Variants in KCND2 observed in about 807,000 individuals in gnomAD.
The protein encoded by KCND2 is A-type voltage-gated potassium channel KCND2.
KCND2 carries 16 observed loss-of-function variants against 54.4 expected under a neutral mutation model. The ratio of observed to expected loss-of-function variants is 0.29; its 90% CI spans 0.20 to 0.45. The LOEUF is 0.45. Among genes scored for constraint, KCND2 ranks in the 20% least tolerant of loss-of-function variants. KCND2 has a pLI of 1.00. For missense variants in KCND2, 486 were observed against 824.2 expected (o/e 0.59, Z 5.02); for synonymous variants, 317 against 310.7 (o/e 1.02, Z -0.21).
chr7:120,739,550 G>A (rs10256978), intron 2 of KCND2, among the ~76,000 whole-genome samples: 5,465 of 151,926 alleles, frequency 0.036, 324 homozygotes, highest in African/African-American at 0.12. Context: ...AACAAAGAAT[G>A]AAATTTGTCT....
chr7:120,463,380 G>T (rs1310414583), intron 1 of KCND2, among the ~76,000 whole-genome samples: 2 of 151,698 alleles, frequency 1.3e-5, no homozygotes, highest in African/African-American at 4.8e-5. Context: ...AGATGCATAG[G>T]TATATAAGCA....
intron 1 of KCND2, among the ~76,000 whole-genome samples, chr7:120,359,138 T>C (rs1424304847): frequency 1.3e-5 from 2 of 152,210 alleles, no homozygotes; most frequent in Non-Finnish European, 2.9e-5. Context: ...GTTAGCATGT[T>C]CAGTGCTTCA....
At chr7:120,365,410 T>A (rs1800656335) in intron 1 of KCND2, among the ~76,000 whole-genome samples, 1 of 152,096 alleles carries the variant, frequency 6.6e-6, no homozygotes, top group Admixed American at 6.6e-5. Context: ...GGTTTTTTAC[T>A]GGGTCAGGAC....
At chr7:120,342,095 G>C (rs1292538303) in intron 1 of KCND2, among the ~76,000 whole-genome samples, 2 of 152,138 alleles carry the variant, frequency 1.3e-5, no homozygotes, top group Non-Finnish European at 2.9e-5. Flanking sequence ...GGAAGTAAGA[G>C]TAAACACAAG....
At chr7:120,471,688 T>C (rs1265510560) in intron 1 of KCND2, among the ~76,000 whole-genome samples, 2 of 152,144 alleles carry the variant, frequency 1.3e-5, no homozygotes, top group East Asian at 3.9e-4. Context: ...AGGAGACTGA[T>C]GATGACAATA....
chr7:120,349,538 A>AT (rs551135177), intron 1 of KCND2, among the ~76,000 whole-genome samples: 12 of 151,786 alleles, frequency 7.9e-5, no homozygotes, highest in South Asian at 2.1e-4. Flanking sequence ...CAATTTTGGA[A>AT]TTTTTTTTTC....
Position 120,274,300 on chromosome 7 carries a change from C to T in KCND2, c.-333C>T, listed in dbSNP as rs552953561. 7 of 456,632 alleles carry T rather than the reference C, an allele frequency of 1.5e-5. No individual in the cohort carries two copies. In the East Asian group the frequency reaches 2.6e-4, roughly 17 times the overall value. 28.3% of individuals were successfully genotyped at this position (456,632 alleles called of 1,614,324 possible). A position where few individuals can be genotyped will look rare whatever the true frequency, so the allele number is the denominator to read the frequency against. On this transcript the variant is annotated 5_prime_UTR_variant, in exon 1 of 6. Transcript: ENST00000331113. The stretch of plus-strand genomic sequence containing the variant: ...CTGTGCCGGGGAGAAATCAAAAACA[C>T]CTGTTTGAAGAAACGGCTGCACCTG...
chr7:120,394,165 G>T (rs1801117771), intron 1 of KCND2, among the ~76,000 whole-genome samples: 1 of 151,936 alleles, frequency 6.6e-6, no homozygotes, highest in Admixed American at 6.6e-5. Flanking sequence ...ATACAAGGCT[G>T]GCCACATAGA....
intron 1 of KCND2, among the ~76,000 whole-genome samples, chr7:120,438,547 G>A (rs1013591147): frequency 2.6e-5 from 4 of 152,190 alleles, no homozygotes; most frequent in Non-Finnish European, 4.4e-5. Flanking sequence ...GGATATATGG[G>A]TGTAAATATC....
intron 1 of KCND2, among the ~76,000 whole-genome samples, chr7:120,611,833 C>G (rs919128002): frequency 6.6e-6 from 1 of 152,102 alleles, no homozygotes; most frequent in African/African-American, 2.4e-5. Context: ...AGCTTCTCTA[C>G]GAAAACCACT....
At chr7:120,293,245 CAG>C (rs1799461598) in intron 1 of KCND2, among the ~76,000 whole-genome samples, 2 of 151,730 alleles carry the variant, frequency 1.3e-5, no homozygotes, top group African/African-American at 4.8e-5. Flanking sequence ...AAAAATTAAA[CAG>C]AATACACAAT....
chr7:120,730,479 G>A (rs1456475894), intron 1 of KCND2, among the ~76,000 whole-genome samples: 1 of 152,118 alleles, frequency 6.6e-6, no homozygotes, highest in Non-Finnish European at 1.5e-5. Flanking sequence ...AATTCCTTTA[G>A]CTTTCACTGT....
intron 1 of KCND2, among the ~76,000 whole-genome samples, chr7:120,387,775 A>C (rs1801011294): frequency 6.6e-6 from 1 of 152,034 alleles, no homozygotes; most frequent in African/African-American, 2.4e-5. Flanking sequence ...TAGAAAAATA[A>C]ATCTCAACTG....
intron 1 of KCND2, among the ~76,000 whole-genome samples, chr7:120,496,192 C>A (rs1167091502): frequency 6.6e-6 from 1 of 152,066 alleles, no homozygotes; most frequent in Non-Finnish European, 1.5e-5. Flanking sequence ...GCAACACTCT[C>A]CCTGAAGAAG....
chr7:120,464,331 G>A (rs1465639982), intron 1 of KCND2, among the ~76,000 whole-genome samples: 1 of 152,044 alleles, frequency 6.6e-6, no homozygotes, highest in Non-Finnish European at 1.5e-5. Context: ...TTCCTTAGAT[G>A]TTATGTGAAT....
At chr7:120,470,081 G>A (rs1217805205) in intron 1 of KCND2, among the ~76,000 whole-genome samples, 3 of 151,998 alleles carry the variant, frequency 2.0e-5, no homozygotes. Flanking sequence ...GCATAGACAT[G>A]ATATCTAAAA....
intron 2 of KCND2, among the ~76,000 whole-genome samples, chr7:120,741,057 AAAAAAG>A (rs1792934908): frequency 6.6e-6 from 1 of 151,846 alleles, no homozygotes; most frequent in African/African-American, 2.4e-5. Flanking sequence ...TAAAAAAAAA[AAAAAAG>A]AAAGGAAGGA....
At chr7:120,737,077 A>ACAC (rs1562924327) in intron 2 of KCND2, among the ~76,000 whole-genome samples, 2 of 124,764 alleles carry the variant, frequency 1.6e-5, no homozygotes, top group East Asian at 2.5e-4. Flanking sequence ...CACACACACA[A>ACAC]ACAAAAAAAA....
At chr7:120,276,520 A>G (rs929606008) in intron 1 of KCND2, among the ~76,000 whole-genome samples, 2 of 152,136 alleles carry the variant, frequency 1.3e-5, no homozygotes, top group Admixed American at 6.5e-5. Context: ...TTAAATACAC[A>G]TAGAAGATAG....
Sources: allele counts gnomAD v4.1 joint callset (sites outside exome capture counted in the v4.1 genomes callset), GRCh38; gene constraint gnomAD v4.1.1; transcripts MANE v1.5; gene names NCBI Gene and HGNC (gene_info 2026-07-23, HGNC 2026-07-21).